The following VPS13B variants were observed in gnomAD, a reference collection of about 807,000 sequenced individuals.
VPS13B encodes intermembrane lipid transfer protein VPS13B.
A neutral mutation model predicts 426.4 loss-of-function variants in VPS13B; 285 were observed. That is an observed-to-expected ratio of 0.67 (90% confidence interval 0.61 to 0.74). The LOEUF (loss-of-function observed/expected upper bound fraction) is 0.74, where lower values mean the gene tolerates loss of function less well. VPS13B is among the 30% of genes least tolerant of loss of function. The pLI is 0.00. For synonymous variants in VPS13B, 1,676 were observed against 1,676.4 expected (o/e 1.00, Z 0.01); for missense variants, 4,537 against 4,782.6 (o/e 0.95, Z 1.51).
intron 19 of VPS13B, among the ~76,000 whole-genome samples, chr8:99,312,459 T>C (rs1821041639): frequency 6.6e-6 from 1 of 152,218 alleles, no homozygotes; most frequent in African/African-American, 2.4e-5. Flanking sequence ...AAATTCTGGG[T>C]TGAAAATTAT....
intron 8 of VPS13B, among the ~76,000 whole-genome samples, chr8:99,125,227 G>A (rs1015569315): frequency 6.6e-6 from 1 of 152,194 alleles, no homozygotes; most frequent in African/African-American, 2.4e-5. Flanking sequence ...AGGCCTGAGA[G>A]CCCCTGGCAA....
intron 34 of VPS13B, among the ~76,000 whole-genome samples, chr8:99,655,266 G>C: frequency 6.6e-6 from 1 of 152,170 alleles, no homozygotes; most frequent in East Asian, 1.9e-4. Context: ...ATCTACCAGA[G>C]ACAAAGAGTT....
intron 19 of VPS13B, among the ~76,000 whole-genome samples, chr8:99,320,004 T>C (rs1487446501): frequency 6.6e-6 from 1 of 152,188 alleles, no homozygotes; most frequent in Non-Finnish European, 1.5e-5. Context: ...CTCCTATATG[T>C]CACACTCTGT....
chr8:99,433,126 A>G (rs1268908214), intron 22 of VPS13B, among the ~76,000 whole-genome samples: 3 of 152,210 alleles, frequency 2.0e-5, no homozygotes, highest in Non-Finnish European at 2.9e-5. Flanking sequence ...TCTCTATTCC[A>G]TCTTTCTCTC....
chr8:99,616,387 G>T (rs1828087272), intron 33 of VPS13B, among the ~76,000 whole-genome samples: 1 of 152,196 alleles, frequency 6.6e-6, no homozygotes, highest in Admixed American at 6.5e-5. Flanking sequence ...AGAAGGAAAT[G>T]ATCAGTTCTG....
chr8:99,153,160 G>C (rs1200678599), intron 14 of VPS13B, among the ~76,000 whole-genome samples: 1 of 152,186 alleles, frequency 6.6e-6, no homozygotes, highest in Non-Finnish European at 1.5e-5. Flanking sequence ...GACAGAGTGA[G>C]ACCTTGTCTC....
intron 39 of VPS13B, among the ~76,000 whole-genome samples, chr8:99,764,426 T>C (rs1811101624): frequency 6.8e-6 from 1 of 147,748 alleles, no homozygotes; most frequent in African/African-American, 2.5e-5. Context: ...TTTTTTTTTT[T>C]TTTTTGAGAT....
At chr8:99,366,048 A>T (rs901095067) in intron 19 of VPS13B, among the ~76,000 whole-genome samples, 34 of 151,968 alleles carry the variant, frequency 2.2e-4, no homozygotes, top group African/African-American at 7.7e-4. Flanking sequence ...CCATGTGCTA[A>T]AGAGAAGAAT....
intron 31 of VPS13B, among the ~76,000 whole-genome samples, chr8:99,575,213 T>G (rs1358895359): frequency 6.6e-6 from 1 of 151,924 alleles, no homozygotes; most frequent in African/African-American, 2.4e-5. Context: ...AAGAAAAGAA[T>G]TCAAAGACTA....
chr8:99,492,741 G>A (rs954316598), intron 25 of VPS13B, among the ~76,000 whole-genome samples: 3 of 152,162 alleles, frequency 2.0e-5, no homozygotes, highest in Admixed American at 6.5e-5. Context: ...GTATTTGGGC[G>A]AGAGTGTACC....
chr8:99,645,584 A>C (rs554980095), intron 34 of VPS13B, among the ~76,000 whole-genome samples: 11 of 152,318 alleles, frequency 7.2e-5, no homozygotes, highest in African/African-American at 2.6e-4. Context: ...ATCATTCTGT[A>C]ATTTGGAATT....
At chr8:99,088,976 C>T (rs1845994917) in intron 3 of VPS13B, among the ~76,000 whole-genome samples, 1 of 152,142 alleles carries the variant, frequency 6.6e-6, no homozygotes, top group African/African-American at 2.4e-5. Context: ...CTCAATCTCA[C>T]TCTGATTTTT....
At chr8:99,642,547 G>A in intron 34 of VPS13B, 49 bp downstream of exon 34, 2 of 1,487,468 alleles carry the variant, frequency 1.3e-6, no homozygotes, top group Non-Finnish European at 1.8e-6. Context: ...TATCTAATAA[G>A]TTGTATTCCC....
At chr8:99,298,747 A>G (rs1440927873) in intron 19 of VPS13B, among the ~76,000 whole-genome samples, 1 of 152,242 alleles carries the variant, frequency 6.6e-6, no homozygotes, top group Non-Finnish European at 1.5e-5. Context: ...CTGTTTTCAG[A>G]TACCTATTTG....
At chr8:99,759,572 T>TC (rs1466006058) in intron 39 of VPS13B, among the ~76,000 whole-genome samples, 6 of 152,192 alleles carry the variant, frequency 3.9e-5, no homozygotes, top group African/African-American at 1.4e-4. Context: ...CACAGTTAAC[T>TC]CCCTCTTCCA....
intron 16 of VPS13B, among the ~76,000 whole-genome samples, chr8:99,183,441 A>G (rs1257754318): frequency 2.0e-5 from 3 of 152,164 alleles, no homozygotes; most frequent in Non-Finnish European, 2.9e-5. Flanking sequence ...TATGCAGCCT[A>G]GTAGTTTGCA....
chr8:99,700,056 T>C, intron 36 of VPS13B, 124 bp downstream of exon 36: 5 of 1,183,448 alleles, frequency 4.2e-6, no homozygotes, highest in Non-Finnish European at 5.8e-6. Flanking sequence ...CCATTAGAGA[T>C]GAGGACATTT....
At chr8:99,853,393 GAA>G in intron 55 of VPS13B, 56 bp from the exon 56 acceptor site, 1 of 1,578,460 alleles carries the variant, frequency 6.3e-7, no homozygotes, top group South Asian at 1.1e-5. Context: ...AAAAAAGAAA[GAA>G]GAGAGAAAGA....
At chr8:99,016,848 C>T (rs1841648539) in intron 2 of VPS13B, among the ~76,000 whole-genome samples, 1 of 152,032 alleles carries the variant, frequency 6.6e-6, no homozygotes, top group African/African-American at 2.4e-5. Flanking sequence ...TCTCGGCCTC[C>T]CAAAGTGATG....
Sources: gnomAD v4.1 joint callset for allele counts (sites outside exome capture counted in the v4.1 genomes callset) on GRCh38, gnomAD v4.1.1 for gene constraint, MANE v1.5 for transcripts, NCBI Gene and HGNC (gene_info 2026-07-23, HGNC 2026-07-21) for gene names.